Variants in NLRP2 observed in about 807,000 individuals in gnomAD.
NLRP2 encodes the protein NACHT, LRR and PYD domains-containing protein 2.
In NLRP2, 107 loss-of-function variants were observed where a neutral mutation model predicts 97.2. That is an observed-to-expected ratio of 1.10 (90% CI 0.94 to 1.29). The LOEUF (loss-of-function observed/expected upper bound fraction) is 1.29. Ranked by LOEUF, NLRP2 falls within the 50% of genes most tolerant of loss-of-function variation. The pLI is 0.00. For missense variants in NLRP2, 1,495 were observed against 1,330.3 expected, an observed-to-expected ratio of 1.12 and a Z score of -1.93; for synonymous variants, 663 against 551.5, an observed-to-expected ratio of 1.20 and a Z score of -2.83.
intron 7 of NLRP2, among the ~76,000 whole-genome samples, 184 bp from the exon 8 acceptor site, chr19:54,985,967 A>C (rs1049100127): frequency 5.3e-5 from 8 of 152,048 alleles, no homozygotes; most frequent in Non-Finnish European, 4.4e-5. Flanking sequence ...GCGCCACTGC[A>C]CTCCAGCCTG....
chr19:54,978,374 A>G (rs965062320), intron 4 of NLRP2, among the ~76,000 whole-genome samples: 1 of 151,900 alleles, frequency 6.6e-6, no homozygotes, highest in Admixed American at 6.6e-5. Flanking sequence ...AGCTGGGACT[A>G]CAGGTGCATG....
chr19:54,975,259 C>T (rs8108564), intron 3 of NLRP2, among the ~76,000 whole-genome samples: 7,830 of 133,690 alleles, frequency 0.059, 416 homozygotes, highest in East Asian at 0.19. Context: ...TAGCTGGGAC[C>T]ACAGGCACTT....
intron 4 of NLRP2, 108 bp from the exon 5 acceptor site, chr19:54,981,509 G>GTCCCCCC: frequency 1.0e-5 from 4 of 386,504 alleles, no homozygotes; most frequent in Non-Finnish European, 1.6e-5. Flanking sequence ...CTGATCCCGT[G>GTCCCCCC]CCCCCCCTCC....
At chr19:54,974,662 C>G (rs1418776510) in intron 3 of NLRP2, 118 bp downstream of exon 3, 13 of 802,054 alleles carry the variant, frequency 1.6e-5, no homozygotes, top group Non-Finnish European at 4.3e-6. Flanking sequence ...CTTAGCATCC[C>G]TGCTCCCAGG....
chr19:54,969,849 G>C, intron 1 of NLRP2, 150 bp from the exon 2 acceptor site: 2 of 751,402 alleles, frequency 2.7e-6, no homozygotes, highest in Admixed American at 2.0e-5. Flanking sequence ...GGAGATGGGG[G>C]TCTCACTATG....
intron 6 of NLRP2, among the ~76,000 whole-genome samples, chr19:54,984,329 GTTTTTTTTTT>G (rs200366059): frequency 0.14 from 10,855 of 80,102 alleles, 817 homozygotes; most frequent in East Asian, 0.33. Flanking sequence ...TTTTTTTTGT[GTTTTTTTTTT>G]TTTTTTTTTT....
chr19:54,992,551 G>GGGT (rs2072550377), intron 10 of NLRP2, among the ~76,000 whole-genome samples: 5 of 24,014 alleles, frequency 2.1e-4, no homozygotes, highest in South Asian at 2.8e-3. Flanking sequence ...GGGGGGGGGG[G>GGGT]TTTTCTTTTT....
intron 10 of NLRP2, among the ~76,000 whole-genome samples, chr19:54,992,512 G>GT (rs1465064444): frequency 1.4e-5 from 2 of 138,260 alleles, no homozygotes; most frequent in Non-Finnish European, 3.0e-5. Context: ...GTGTGTGTGT[G>GT]GTGTGTGGTG....
chr19:54,983,851 T>C (rs771513810), intron 6 of NLRP2, 123 bp downstream of exon 6: 2 of 1,311,112 alleles, frequency 1.5e-6, no homozygotes, highest in South Asian at 1.2e-5. Context: ...TGTTGGACTC[T>C]TTGTTTGTTT....
chr19:54,976,997 T>TAG (rs1441741992), intron 3 of NLRP2: 1 of 345,124 alleles, frequency 2.9e-6, no homozygotes, highest in Non-Finnish European at 5.6e-6. Context: ...TTTGTTTTAG[T>TAG]AGAGACGGGG....
chr19:54,982,517 T>C lies in NLRP2; in HGVS notation c.819T>C (p.Ile273=). ...ACTGGCCTGAATTGCAGGATGACAT[T>C]CCACACATCCTAGCCCAAGCACGGA... ...FRDWPELQDD[I]PHILAQARKI... Residue 273 remains isoleucine (I), a synonymous_variant, in exon 6 of 13, where the codon ATT becomes ATC. Coordinates refer to ENST00000448584, the MANE Select transcript of NLRP2 (RefSeq NM_017852.5). The C allele has an allele frequency of 6.2e-7, 1 of 1,614,154 alleles. No homozygotes were observed. Among genetic ancestry groups the C allele is most frequent in the South Asian group, 1.1e-5 (1 of 91,080 alleles).
At position 54,982,357 on chromosome 19, in the gene NLRP2, C is replaced by T; in HGVS notation, c.659C>T (p.Thr220Ile). The change falls in exon 6 of 13, where the codon ACC (threonine) becomes ATC (isoleucine). Residue 220 changes from threonine to isoleucine, a missense_variant. Physicochemically the swap from Thr to Ile is moderately conservative, Grantham distance 89. Transcript: ENST00000448584. ...VLYGPAGLGK[T>I]TLAQKLMLDW... ...TATGGTCCTGCAGGCCTTGGGAAAA[C>T]CACGCTGGCCCAGAAACTAATGCTA... 1.2e-6 allele frequency: 2 copies of T among 1,614,120 alleles called. No homozygotes were observed. Among genetic ancestry groups the T allele is most frequent in the South Asian group, 2.2e-5 (2 of 91,074 alleles).
intron 2 of NLRP2, among the ~76,000 whole-genome samples, chr19:54,970,544 A>C (rs930859907): frequency 4.0e-5 from 6 of 151,114 alleles, no homozygotes; most frequent in Non-Finnish European, 8.8e-5. Flanking sequence ...AATCCCAGCT[A>C]CTCCGGGAGG....
In NLRP2 at chr19:54,986,571, T is replaced by TA. The variant is rs1555777722; in HGVS notation, c.2366+257dup. 5.0e-3 allele frequency among the ~76,000 whole-genome samples: 764 copies of TA among 151,534 alleles called. 9 individuals are homozygous for TA. Among genetic ancestry groups the TA allele is most frequent in the African/African-American group, 0.017 (707 of 41,368 alleles). On this transcript the variant is annotated intron_variant, in intron 8 of 12. Coordinates refer to ENST00000448584, the MANE Select transcript of NLRP2 (RefSeq NM_017852.5). Reference sequence around the variant, plus strand: ...TCTTTATCATCTTTTTTTTTTTTTTTATGAAGTCTTGCTCTGTTGCCCAGG... The same window carrying TA: ...TCTTTATCATCTTTTTTTTTTTTTTTAATGAAGTCTTGCTCTGTTGCCCAGG...
intron 11 of NLRP2, among the ~76,000 whole-genome samples, chr19:54,995,827 A>G (rs984487469): frequency 2.6e-5 from 4 of 151,918 alleles, no homozygotes; most frequent in Non-Finnish European, 5.9e-5. Context: ...AGATTGCTTG[A>G]GGCCAAGAAT....
intron 11 of NLRP2, 51 bp from the exon 12 acceptor site, chr19:54,997,266 G>T: frequency 2.5e-6 from 4 of 1,591,378 alleles, no homozygotes; most frequent in Non-Finnish European, 3.4e-6. Flanking sequence ...TTGCCGGAGG[G>T]CATCGATCAG....
chr19:54,975,642 C>G (rs534469912), intron 3 of NLRP2, among the ~76,000 whole-genome samples: 1 of 151,204 alleles, frequency 6.6e-6, no homozygotes, highest in Non-Finnish European at 1.5e-5. Context: ...TTAGTAGAGA[C>G]GGGGTTTCAC....
At position 54,982,751 on chromosome 19, in the gene NLRP2, G is replaced by A. The variant is rs199475714; in HGVS notation, c.1053G>A (p.Pro351=). The change falls in exon 6 of 13, where the codon CCG becomes CCA. Residue 351 remains proline, a synonymous_variant. Transcript: ENST00000448584. Reference sequence around the variant, plus strand: ...ACCTCCGGATCCTGGCGGAGGAGCCGATCTACATAAGGGTGGAGGGCTTCC... The same window carrying A: ...ACCTCCGGATCCTGGCGGAGGAGCCAATCTACATAAGGGTGGAGGGCTTCC... ...LRDLRILAEE[P]IYIRVEGFLE... is the part of the protein sequence containing the mutation. 66 of 1,614,146 alleles carry A rather than the reference G, an allele frequency of 4.1e-5. No individual in the cohort carries two copies. In the East Asian group the frequency reaches 7.4e-4, roughly 18 times the overall value.
At chr19:54,984,399 C>A (rs939615796) in intron 6 of NLRP2, among the ~76,000 whole-genome samples, 1 of 136,390 alleles carries the variant, frequency 7.3e-6, no homozygotes, top group East Asian at 2.2e-4. Context: ...CTTGAACTCC[C>A]AAAGCACTGA....
Sources: allele counts gnomAD v4.1 joint callset (sites outside exome capture counted in the v4.1 genomes callset), GRCh38; gene constraint gnomAD v4.1.1; transcripts MANE v1.5; gene names NCBI Gene and HGNC (gene_info 2026-07-23, HGNC 2026-07-21).